The following ZFHX4 variants were observed in gnomAD, a reference collection of about 807,000 sequenced individuals.
ZFHX4 encodes zinc finger homeobox 4.
ZFHX4 carries 56 observed loss-of-function variants against 267.6 expected under a neutral mutation model. That is an observed-to-expected ratio of 0.21 (90% CI 0.17 to 0.26). The LOEUF is 0.26. Among genes scored for constraint, ZFHX4 ranks in the 10% least tolerant of loss-of-function variants. ZFHX4 has a pLI of 1.00. For missense variants in ZFHX4, 4,332 were observed against 4,420.0 expected (o/e 0.98, Z 0.56); for synonymous variants, 1,778 against 1,665.6 (o/e 1.07, Z -1.64).
intron 3 of ZFHX4, among the ~76,000 whole-genome samples, chr8:76,743,327 T>C (rs1809371583): frequency 6.6e-6 from 1 of 152,226 alleles, no homozygotes; most frequent in Non-Finnish European, 1.5e-5. Context: ...TATTGTCTTA[T>C]AGACTGCATG....
chr8:76,722,138 A>G (rs905475343), intron 3 of ZFHX4, among the ~76,000 whole-genome samples: 2 of 152,094 alleles, frequency 1.3e-5, no homozygotes, highest in African/African-American at 4.8e-5. Context: ...TGACATGGGT[A>G]TGATGAGATC....
chr8:76,864,515 G>A lies in ZFHX4; in HGVS notation c.10801G>A (p.Gly3601Ser). The A allele has an allele frequency of 6.2e-7, 1 of 1,612,440 alleles. No homozygotes were observed. The highest frequency in any genetic ancestry group is 1.7e-4 in the Middle Eastern group (1 of 6,040). Residue 3601 changes from glycine to serine, a missense_variant, in exon 11 of 11, where the codon GGC becomes AGC. Physicochemically the swap from Gly to Ser is moderately conservative, Grantham distance 56. Around this residue, in one of 7 missense-constraint regions of ZFHX4, gnomAD observed 1,648 missense variants for 1,625.0 expected, o/e 1.01. Coordinates refer to ENST00000651372, the MANE Select transcript of ZFHX4 (RefSeq NM_024721.5). ...SLEVKAKPAS[G>S]LDGNFNSIRM... ...GGAAGTGAAGGCTAAGCCTGCTTCT[G>A]GCCTAGATGGTAATTTCAATAGCAT... is the stretch of plus-strand genomic sequence containing the variant.
chr8:76,688,048 A>G (rs997156648), intron 1 of ZFHX4, among the ~76,000 whole-genome samples: 1 of 152,190 alleles, frequency 6.6e-6, no homozygotes, highest in Non-Finnish European at 1.5e-5. Flanking sequence ...TGTTTTCATC[A>G]TCATTGGGAC....
rs573535891 is a variant in ZFHX4 at position 76,813,603 on chromosome 8, A to G, written c.3326-19735A>G. ...ATTACATTTTATGAAGTTGCTTTGC[A>G]TACTGGAACTTTTATGCCTTTTTGA... On this transcript the variant is annotated intron_variant, in intron 4 of 10. Coordinates refer to ENST00000651372, the MANE Select transcript of ZFHX4 (RefSeq NM_024721.5). Among the ~76,000 whole-genome samples the G allele has an allele frequency of 3.9e-5, 6 of 152,280 alleles. No homozygotes were observed. The East Asian group carries it at 1.2e-3, about 29-fold the overall frequency.
chr8:76,690,473 C>T (rs537364392), intron 1 of ZFHX4, among the ~76,000 whole-genome samples: 9 of 151,990 alleles, frequency 5.9e-5, no homozygotes, highest in African/African-American at 2.2e-4. Context: ...TTGAAAAAGA[C>T]CAATCATTTT....
chr8:76,840,052 G>A (rs1246590528), intron 5 of ZFHX4, among the ~76,000 whole-genome samples: 2 of 152,092 alleles, frequency 1.3e-5, no homozygotes, highest in Admixed American at 1.3e-4. Flanking sequence ...TTTTTTGCAT[G>A]ATTAAAAATT....
At chr8:76,821,567 C>T (rs1170403339) in intron 4 of ZFHX4, among the ~76,000 whole-genome samples, 1 of 151,094 alleles carries the variant, frequency 6.6e-6, no homozygotes, top group Non-Finnish European at 1.5e-5. Flanking sequence ...ACCACATCCT[C>T]TCTTGGTTTT....
intron 4 of ZFHX4, among the ~76,000 whole-genome samples, chr8:76,805,444 G>GAAGTTTC (rs1351329658): frequency 6.6e-6 from 1 of 152,074 alleles, no homozygotes; most frequent in Non-Finnish European, 1.5e-5. Context: ...TTTTTGATAT[G>GAAGTTTC]AAGTTTCAAT....
chr8:76,717,656 G>A (rs1808612768), intron 3 of ZFHX4, among the ~76,000 whole-genome samples: 1 of 152,128 alleles, frequency 6.6e-6, no homozygotes, highest in Admixed American at 6.5e-5. Flanking sequence ...GAGTTCAGTG[G>A]CGTGATCACT....
At chr8:76,824,493 A>T (rs1212173051) in intron 4 of ZFHX4, among the ~76,000 whole-genome samples, 1 of 152,182 alleles carries the variant, frequency 6.6e-6, no homozygotes, top group African/African-American at 2.4e-5. Context: ...TTTTGCAAGG[A>T]AAAAAACCTA....
intron 4 of ZFHX4, among the ~76,000 whole-genome samples, chr8:76,812,116 T>G (rs1811393547): frequency 6.6e-6 from 1 of 152,194 alleles, no homozygotes. Flanking sequence ...TACAATTGCA[T>G]TAAGTAAAAA....
intron 1 of ZFHX4, among the ~76,000 whole-genome samples, chr8:76,685,217 G>A (rs976546456): frequency 2.0e-5 from 3 of 152,200 alleles, no homozygotes; most frequent in Non-Finnish European, 4.4e-5. Flanking sequence ...ACTTCACCAA[G>A]GGTCGACAAT....
intron 5 of ZFHX4, among the ~76,000 whole-genome samples, chr8:76,840,658 A>G (rs1379178198): frequency 6.6e-6 from 1 of 152,202 alleles, no homozygotes; most frequent in Non-Finnish European, 1.5e-5. Context: ...GACACTCAGT[A>G]GCACTCTGAC....
At position 76,856,072 on chromosome 8, in the gene ZFHX4, G is replaced by C; in HGVS notation, c.9151G>C (p.Ala3051Pro). Residue 3051 changes from alanine (A) to proline (P), a missense_variant, in exon 10 of 11, where the codon GCT becomes CCT. By Grantham distance (27) the Ala-to-Pro change is conservative. Around this residue, in one of 7 missense-constraint regions of ZFHX4, gnomAD observed 1,648 missense variants for 1,625.0 expected, o/e 1.01. Coordinates refer to ENST00000651372, the MANE Select transcript of ZFHX4 (RefSeq NM_024721.5). ...GCTCGATCGGGAGAAAGATTACTTGGCTCCGACCACGGTTCGGCAGCTGAT... is the reference window on the plus strand; with the variant it reads ...GCTCGATCGGGAGAAAGATTACTTGCCTCCGACCACGGTTCGGCAGCTGAT... ...SQLDREKDYL[A>P]PTTVRQLMAQ... The C allele has an allele frequency of 6.2e-7, 1 of 1,613,952 alleles. No homozygotes were observed. Among genetic ancestry groups the C allele is most frequent in the East Asian group, 2.2e-5 (1 of 44,858 alleles).
At chr8:76,718,915 A>G (rs1323540866) in intron 3 of ZFHX4, among the ~76,000 whole-genome samples, 5 of 149,028 alleles carry the variant, frequency 3.4e-5, no homozygotes, top group South Asian at 2.2e-4. Flanking sequence ...TTGATAAAGA[A>G]GAAAGTACAC....
intron 10 of ZFHX4, among the ~76,000 whole-genome samples, chr8:76,856,988 G>T (rs1051999808): frequency 6.6e-6 from 1 of 152,092 alleles, no homozygotes; most frequent in Admixed American, 6.6e-5. Context: ...ATTACTTCAT[G>T]CCTTTATTCC....
At chr8:76,738,792 G>A (rs1165542017) in intron 3 of ZFHX4, among the ~76,000 whole-genome samples, 1 of 150,630 alleles carries the variant, frequency 6.6e-6, no homozygotes, top group Non-Finnish European at 1.5e-5. Flanking sequence ...GGAGTGCAAT[G>A]TAGCTTTGAC....
intron 3 of ZFHX4, among the ~76,000 whole-genome samples, chr8:76,710,658 T>C (rs747550611): frequency 3.9e-5 from 6 of 152,180 alleles, no homozygotes; most frequent in Non-Finnish European, 7.4e-5. Context: ...AAGTAGCAGT[T>C]ATAAGACAAA....
intron 4 of ZFHX4, among the ~76,000 whole-genome samples, chr8:76,795,124 T>A (rs751238334): frequency 6.6e-5 from 10 of 152,160 alleles, no homozygotes; most frequent in Non-Finnish European, 1.2e-4. Context: ...TCATTGTAAT[T>A]ACATCTGGTA....
Sources: allele counts gnomAD v4.1 joint callset (sites outside exome capture counted in the v4.1 genomes callset), GRCh38; gene constraint gnomAD v4.1.1; regional missense constraint gnomAD v4.1.1; transcripts MANE v1.5; gene names NCBI Gene and HGNC (gene_info 2026-07-23, HGNC 2026-07-21).